GNPNAT1: variants seen among roughly 807,000 people sequenced by gnomAD.
GNPNAT1 encodes the protein glucosamine 6-phosphate N-acetyltransferase.
GNPNAT1 carries 11 observed loss-of-function variants against 19.8 expected under a neutral mutation model. The ratio of observed to expected loss-of-function variants is 0.56; its 90% CI spans 0.35 to 0.92. GNPNAT1 has a LOEUF of 0.92. Among genes scored for constraint, GNPNAT1 ranks in the 40% least tolerant of loss-of-function variants. The pLI, the probability that GNPNAT1 is intolerant of heterozygous loss-of-function variation, is 0.01. For synonymous variants in GNPNAT1, 71 were observed against 72.3 expected (o/e 0.98, Z 0.09); for missense variants, 157 against 211.0 (o/e 0.74, Z 1.59).
rs1882767993 is a variant in GNPNAT1 at position 52,777,547 on chromosome 14, G to C, written c.*764C>G. 1 of 152,066 alleles carries C rather than the reference G, an allele frequency of 6.6e-6. No individual in the cohort carries two copies. The highest frequency in any genetic ancestry group is 6.5e-5 in the Admixed American group (1 of 15,270). The allele number at this position is 152,066 out of a possible 1,614,324, so 9.4% of individuals were successfully genotyped here. On this transcript the variant is annotated 3_prime_UTR_variant, in exon 6 of 6. Coordinates refer to ENST00000216410, the MANE Select transcript of GNPNAT1 (RefSeq NM_198066.4). ...AAAAAATCAGGGTAGAAACACATAG[G>C]CTGAGGTTTGCTAATTCACTGTTTA...
At chr14:52,781,709 A>T (rs1882898016) in intron 4 of GNPNAT1, 75 bp downstream of exon 4, 2 of 1,375,696 alleles carry the variant, frequency 1.5e-6, no homozygotes, top group Non-Finnish European at 2.0e-6. Context: ...ATGAGAAAAC[A>T]GATTTGTCTA....
At chr14:52,779,693 A>G (rs1179849451) in intron 5 of GNPNAT1, among the ~76,000 whole-genome samples, 1 of 127,768 alleles carries the variant, frequency 7.8e-6, no homozygotes, top group Non-Finnish European at 1.6e-5. Flanking sequence ...TGTATACTCC[A>G]GCCTGGGCAA....
chr14:52,789,038 A>G (rs1296268119), intron 1 of GNPNAT1, among the ~76,000 whole-genome samples: 1 of 152,194 alleles, frequency 6.6e-6, no homozygotes, highest in Admixed American at 6.5e-5. Context: ...TTATTATCCC[A>G]ATTTTACAGA....
intron 3 of GNPNAT1, 145 bp downstream of exon 3, chr14:52,783,278 T>A: frequency 1.8e-6 from 1 of 566,922 alleles, no homozygotes; most frequent in Non-Finnish European, 3.1e-6. Context: ...CTCAGCCACA[T>A]TAAACATTTG....
At position 52,780,687 on chromosome 14, in the gene GNPNAT1, A is replaced by G; in HGVS notation, c.399T>C (p.Leu133=). Reference sequence around the variant, plus strand: ...TGTTTCTGCCTACTTACAATTTGCCAAGCTGCTTTCCTCTGCATTCATCAC... The same window carrying G: ...TGTTTCTGCCTACTTACAATTTGCCGAGCTGCTTTCCTCTGCATTCATCAC... ...VVSDECRGKQ[L]GKLLLSTLTL... The change falls in exon 5 of 6, where the codon CTT becomes CTC. Residue 133 remains leucine, a synonymous_variant. Coordinates refer to ENST00000216410, the MANE Select transcript of GNPNAT1 (RefSeq NM_198066.4). 6.2e-7 allele frequency: 1 copy of G among 1,604,486 alleles called. No homozygotes were observed. The highest frequency in any genetic ancestry group is 8.5e-7 in the Non-Finnish European group (1 of 1,171,988).
At chr14:52,784,435 T>C (rs2139968096) in intron 2 of GNPNAT1, 62 bp downstream of exon 2, 1 of 1,303,878 alleles carries the variant, frequency 7.7e-7, no homozygotes, top group South Asian at 1.8e-5. Flanking sequence ...ATTATCTGCA[T>C]CATAATGTTT....
chr14:52,791,496 A>ACCGGAT lies in GNPNAT1; in HGVS notation c.-89_-84dup, dbSNP rs1298336467. The ACCGGAT allele has an allele frequency of 6.6e-6, 1 of 152,262 alleles. No individual in the cohort carries two copies. The highest frequency in any genetic ancestry group is 1.5e-5 in the Non-Finnish European group (1 of 68,272). The allele number at this position is 152,262 out of a possible 1,614,324, so 9.4% of individuals were successfully genotyped here. On this transcript the variant is annotated 5_prime_UTR_variant, in exon 1 of 6. Coordinates refer to ENST00000216410, the MANE Select transcript of GNPNAT1 (RefSeq NM_198066.4). The surrounding 1 kb of genome is among the most constrained non-coding windows in gnomAD (Gnocchi z 4.1). Reference sequence around the variant, plus strand: ...ACTCTCCCCCACCAGTGTGCACAGCACCGGATCCGGATCCGGCTTCAGCGC... The same window carrying ACCGGAT: ...ACTCTCCCCCACCAGTGTGCACAGCACCGGATCCGGATCCGGATCCGGCTTCAGCGC...
At chr14:52,790,799 G>C (rs894668075) in intron 1 of GNPNAT1, among the ~76,000 whole-genome samples, 1 of 152,154 alleles carries the variant, frequency 6.6e-6, no homozygotes, top group Admixed American at 6.5e-5. Flanking sequence ...ATAATCGCCC[G>C]TTCAATTTTG....
intron 1 of GNPNAT1, among the ~76,000 whole-genome samples, chr14:52,786,380 T>C (rs1883018897): frequency 6.6e-6 from 1 of 151,912 alleles, no homozygotes. Flanking sequence ...GGTGGCCACC[T>C]GTAATCCCAG....
intron 3 of GNPNAT1, 27 bp from the exon 4 acceptor site, chr14:52,781,938 A>C: frequency 6.4e-7 from 1 of 1,551,958 alleles, no homozygotes; most frequent in Non-Finnish European, 8.7e-7. Flanking sequence ...ACAAAGTGTT[A>C]CATAGTAGAC....
Position 52,781,631 on chromosome 14 carries a change from T to A in GNPNAT1, c.345+153A>T, listed in dbSNP as rs925221279. 6 of 647,154 alleles carry A rather than the reference T, an allele frequency of 9.3e-6. No homozygotes were observed. In the Admixed American group the frequency reaches 1.0e-4, roughly 11 times the overall value. The allele number at this position is 647,154 out of a possible 1,614,324, so 40.1% of individuals were successfully genotyped here. A position where few individuals can be genotyped will look rare whatever the true frequency, so the allele number is the denominator to read the frequency against. On this transcript the variant is annotated intron_variant, in intron 4 of 5. Coordinates refer to ENST00000216410, the MANE Select transcript of GNPNAT1 (RefSeq NM_198066.4). ...TTTTAGCATACAATTCATACTGTTA[T>A]ACATTTTCTTTCTTAAAGCTCTCAG...
chr14:52,787,897 C>T (rs560512600), intron 1 of GNPNAT1: 16 of 151,986 alleles, frequency 1.1e-4, no homozygotes, highest in Middle Eastern at 3.4e-3. Context: ...CAGGCTCTTA[C>T]GTTTATGTTA....
intron 2 of GNPNAT1, among the ~76,000 whole-genome samples, 158 bp from the exon 3 acceptor site, chr14:52,783,643 T>A (rs186509036): frequency 7.0e-4 from 106 of 152,262 alleles, no homozygotes; most frequent in African/African-American, 2.5e-3. Context: ...TATTCTTCTA[T>A]AATCACTACA....
chr14:52,784,429 T>A (rs1882963222), intron 2 of GNPNAT1, 68 bp downstream of exon 2: 1 of 1,261,780 alleles, frequency 7.9e-7, no homozygotes, highest in African/African-American at 1.5e-5. Flanking sequence ...AAAAAAATTA[T>A]CTGCATCATA....
chr14:52,783,519 A>C (rs1882942093), intron 2 of GNPNAT1, 34 bp from the exon 3 acceptor site: 1 of 1,376,922 alleles, frequency 7.3e-7, no homozygotes. Context: ...AATTACGAGA[A>C]TAGCAAAAGG....
rs753601689 is a variant in GNPNAT1, at chr14:52,781,783, C to CCTTA, written c.342_345dup (p.Arg116Ter). The CCTTA allele has an allele frequency of 1.0e-5, 16 of 1,593,094 alleles. No individual in the cohort carries two copies. Among genetic ancestry groups the CCTTA allele is most frequent in the African/African-American group, 1.4e-5 (1 of 73,596 alleles). On this transcript the variant is annotated stop_gained and frameshift_variant and splice_region_variant. Coordinates refer to ENST00000216410, the MANE Select transcript of GNPNAT1 (RefSeq NM_198066.4). LOFTEE classifies it high-confidence loss of function. ...CCATTTTATTTATAAGCAGCACATA[C>CCTTA]CTTAGCACAGGAATGGATGAATTTA...
chr14:52,778,264 T>C lies in GNPNAT1; in HGVS notation c.*47A>G. On this transcript the variant is annotated 3_prime_UTR_variant, in exon 6 of 6. Coordinates refer to ENST00000216410, the MANE Select transcript of GNPNAT1 (RefSeq NM_198066.4). ...CAAAATATTTCAACTCTAGGAAGAG[T>C]GTAGCCTTGTAGCATTAGCCCCTTT... 4.2e-6 allele frequency: 6 copies of C among 1,427,888 alleles called. No homozygotes were observed. The highest frequency in any genetic ancestry group is 2.3e-5 in the East Asian group (1 of 42,586). 88.5% of individuals were successfully genotyped at this position (1,427,888 alleles called of 1,614,324 possible).
chr14:52,779,735 A>AC (rs1328600564), intron 5 of GNPNAT1, among the ~76,000 whole-genome samples: 12 of 149,548 alleles, frequency 8.0e-5, no homozygotes, highest in East Asian at 7.8e-4. Flanking sequence ...AAAAAAAAAA[A>AC]AAAAAAAAAA....
intron 5 of GNPNAT1, 46 bp downstream of exon 5, chr14:52,780,633 A>C (rs1344795167): frequency 7.8e-7 from 1 of 1,279,014 alleles, no homozygotes; most frequent in African/African-American, 1.5e-5. Context: ...AAGAAACTAA[A>C]TTGGAACAAA....
Sources: gnomAD v4.1 joint callset for allele counts (sites outside exome capture counted in the v4.1 genomes callset) on GRCh38, gnomAD v4.1.1 for gene constraint, Gnocchi (gnomAD v3.1) non-coding constraint, MANE v1.5 for transcripts, NCBI Gene and HGNC (gene_info 2026-07-23, HGNC 2026-07-21) for gene names.